The following CNTLN variants were observed in gnomAD, a reference collection of about 807,000 sequenced individuals.
CNTLN encodes centlein.
Under a neutral mutation model 180.0 loss-of-function variants are expected in CNTLN, and 212 were observed. The observed-to-expected ratio is 1.18, with a 90% CI of 1.05 to 1.32. CNTLN has a LOEUF of 1.32. Ranked by LOEUF, CNTLN falls within the 40% of genes most tolerant of loss-of-function variation. CNTLN has a pLI of 0.00. For synonymous variants in CNTLN, 722 were observed against 563.1 expected, an observed-to-expected ratio of 1.28 and a Z score of -3.99; for missense variants, 2,095 against 1,610.9, an observed-to-expected ratio of 1.30 and a Z score of -5.14.
intron 19 of CNTLN, among the ~76,000 whole-genome samples, chr9:17,461,901 A>G (rs1162189038): frequency 3.3e-5 from 5 of 151,788 alleles, no homozygotes; most frequent in Non-Finnish European, 7.4e-5. Flanking sequence ...GTCAAAATTG[A>G]AAGGTGTTCT....
At chr9:17,177,367 C>T (rs544840683) in intron 2 of CNTLN, among the ~76,000 whole-genome samples, 24 of 152,120 alleles carry the variant, frequency 1.6e-4, no homozygotes, top group African/African-American at 5.1e-4. Context: ...TGAGATTGTG[C>T]CACTGCACTC....
Position 17,494,613 on chromosome 9 carries a change from A to C in CNTLN, c.4119+7547A>C, listed in dbSNP as rs530815523. The stretch of plus-strand genomic sequence containing the variant: ...CATTTAGCTCCCACTTATAAGTGAG[A>C]ATAGGCAATATTTGGTTTTCTGTTC... On this transcript the variant is annotated intron_variant, in intron 25 of 25. Coordinates refer to ENST00000380647, the MANE Select transcript of CNTLN (RefSeq NM_017738.4). Among the ~76,000 whole-genome samples the C allele has an allele frequency of 2.0e-5, 3 of 152,212 alleles. No individual in the cohort carries two copies. The East Asian group carries it at 5.8e-4, about 29-fold the overall frequency.
At position 17,457,735 on chromosome 9, in the gene CNTLN, A is replaced by AGCATGAAAACATACATTAT. The variant is rs1831215428; in HGVS notation, c.3306+23_3306+41dup. 14 of 1,373,916 alleles carry AGCATGAAAACATACATTAT rather than the reference A, an allele frequency of 1.0e-5. No individual in the cohort carries two copies. The highest frequency in any genetic ancestry group is 1.3e-5 in the Non-Finnish European group (14 of 1,045,632). The allele number at this position is 1,373,916 out of a possible 1,614,324, so 85.1% of individuals were successfully genotyped here. A position where few individuals can be genotyped will look rare whatever the true frequency, so the allele number is the denominator to read the frequency against. The stretch of plus-strand genomic sequence containing the variant: ...CTAAAGGTGATTATAAAATTTATTA[A>AGCATGAAAACATACATTAT]GCATGAAAACATACATTATGCTTGA... On this transcript the variant is annotated intron_variant, in intron 19 of 25. Coordinates refer to ENST00000380647, the MANE Select transcript of CNTLN (RefSeq NM_017738.4).
At chr9:17,281,528 C>G (rs905543912) in intron 6 of CNTLN, among the ~76,000 whole-genome samples, 1 of 152,018 alleles carries the variant, frequency 6.6e-6, no homozygotes, top group Non-Finnish European at 1.5e-5. Flanking sequence ...GCTCCCACTA[C>G]GTGCAGTGTT....
chr9:17,240,316 C>G (rs1454681518), intron 5 of CNTLN, among the ~76,000 whole-genome samples: 1 of 151,998 alleles, frequency 6.6e-6, no homozygotes, highest in Non-Finnish European at 1.5e-5. Flanking sequence ...ATCCTGCAAC[C>G]TTTCTGAATA....
intron 12 of CNTLN, among the ~76,000 whole-genome samples, chr9:17,347,330 T>C (rs1268214508): frequency 6.6e-6 from 1 of 152,162 alleles, no homozygotes; most frequent in Non-Finnish European, 1.5e-5. Flanking sequence ...CAACCTACCT[T>C]GGGTTATGTC....
chr9:17,296,054 C>G (rs1037028739), intron 6 of CNTLN, among the ~76,000 whole-genome samples: 1 of 150,930 alleles, frequency 6.6e-6, no homozygotes, highest in Non-Finnish European at 1.5e-5. Context: ...TGGAGTCTGG[C>G]TCTGTCACCC....
At chr9:17,491,899 GAA>G (rs1200309311) in intron 25 of CNTLN, among the ~76,000 whole-genome samples, 5,872 of 152,082 alleles carry the variant, frequency 0.039, 384 homozygotes, top group African/African-American at 0.13. Context: ...TTTGTAAATA[GAA>G]TATACTACTA....
At position 17,487,043 on chromosome 9, in the gene CNTLN, A is replaced by G. The variant is rs981918473; in HGVS notation, c.4096A>G (p.Ile1366Val). 1.2e-6 allele frequency: 2 copies of G among 1,603,194 alleles called. No homozygotes were observed. Among genetic ancestry groups the G allele is most frequent in the Non-Finnish European group, 1.7e-6 (2 of 1,175,370 alleles). Reference sequence around the variant, plus strand: ...AAATGACAAGGAATGGATGTTGTACATTCAGAAACTTCTTGAAGGACAGGT... The same window carrying G: ...AAATGACAAGGAATGGATGTTGTACGTTCAGAAACTTCTTGAAGGACAGGT... ...AENDKEWMLY[I>V]QKLLEGQLPF... is the part of the protein sequence containing the mutation. The change falls in exon 25 of 26, where the codon ATT becomes GTT. Residue 1366 changes from isoleucine to valine, a missense_variant. Coordinates refer to ENST00000380647, the MANE Select transcript of CNTLN (RefSeq NM_017738.4).
At chr9:17,312,839 A>G (rs1819296827) in intron 8 of CNTLN, among the ~76,000 whole-genome samples, 1 of 152,102 alleles carries the variant, frequency 6.6e-6, no homozygotes, top group Non-Finnish European at 1.5e-5. Context: ...TAGTTATGTC[A>G]TTGCACTTGA....
intron 2 of CNTLN, among the ~76,000 whole-genome samples, chr9:17,204,343 T>C (rs1213764388): frequency 6.6e-6 from 1 of 152,138 alleles, no homozygotes; most frequent in African/African-American, 2.4e-5. Flanking sequence ...TGGGTTTTTT[T>C]TGTTTGTTAG....
intron 11 of CNTLN, 21 bp from the exon 12 acceptor site, chr9:17,342,304 G>A (rs1378959105): frequency 2.5e-6 from 4 of 1,607,678 alleles, no homozygotes; most frequent in Non-Finnish European, 3.4e-6. Flanking sequence ...AATTGAAAAA[G>A]CAACTTTGTT....
chr9:17,355,380 G>A (rs1334941424), intron 12 of CNTLN, among the ~76,000 whole-genome samples: 1 of 152,082 alleles, frequency 6.6e-6, no homozygotes, highest in Non-Finnish European at 1.5e-5. Flanking sequence ...CTCCCATTCC[G>A]TAGGCTATAT....
downstream of CNTLN, among the ~76,000 whole-genome samples, chr9:17,507,455 CAA>C (rs1833952883): frequency 1.3e-5 from 2 of 152,088 alleles, no homozygotes. Context: ...TATGAACATA[CAA>C]AAGTAGATAT....
chr9:17,359,774 C>T (rs1205153892), intron 12 of CNTLN, among the ~76,000 whole-genome samples: 1 of 111,198 alleles, frequency 9.0e-6, no homozygotes, highest in African/African-American at 3.2e-5. Context: ...GTGGCGGGCG[C>T]CTGTAGTCCC....
intron 2 of CNTLN, among the ~76,000 whole-genome samples, chr9:17,210,648 A>G (rs1823235196): frequency 6.6e-6 from 1 of 152,228 alleles, no homozygotes; most frequent in African/African-American, 2.4e-5. Context: ...GTCTTCCACA[A>G]TGGTTAAACT....
At chr9:17,239,792 C>T (rs1199617378) in intron 5 of CNTLN, among the ~76,000 whole-genome samples, 2 of 152,046 alleles carry the variant, frequency 1.3e-5, no homozygotes, top group Non-Finnish European at 2.9e-5. Flanking sequence ...TATAAGGGTT[C>T]ATTTTTGGAC....
chr9:17,443,724 G>A (rs78136951), intron 18 of CNTLN, among the ~76,000 whole-genome samples: 2,978 of 152,118 alleles, frequency 0.02, 99 homozygotes, highest in African/African-American at 0.068. Context: ...AAATGAAGAA[G>A]GAAATCTACT....
At chr9:17,179,233 G>T (rs1820960810) in intron 2 of CNTLN, among the ~76,000 whole-genome samples, 1 of 124,420 alleles carries the variant, frequency 8.0e-6, no homozygotes, top group Admixed American at 8.9e-5. Flanking sequence ...GACAGAGCGA[G>T]ACTCCGTCTC....
Sources: allele counts gnomAD v4.1 joint callset (sites outside exome capture counted in the v4.1 genomes callset), GRCh38; gene constraint gnomAD v4.1.1; transcripts MANE v1.5; gene names NCBI Gene and HGNC (gene_info 2026-07-23, HGNC 2026-07-21).